USP13: variants seen among roughly 807,000 people sequenced by gnomAD.
The protein encoded by USP13 is ubiquitin specific peptidase 13, also known as ubiquitin carboxyl-terminal hydrolase 13.
A neutral mutation model predicts 107.8 loss-of-function variants in USP13; 68 were observed. The ratio of observed to expected loss-of-function variants is 0.63; its 90% CI spans 0.52 to 0.77. The LOEUF is 0.77. USP13 is among the 30% of genes least tolerant of loss of function. The pLI is 0.00. For synonymous variants in USP13, 377 were observed against 389.5 expected, an observed-to-expected ratio of 0.97 and a Z score of 0.38; for missense variants, 945 against 1,093.3, an observed-to-expected ratio of 0.86 and a Z score of 1.91.
chr3:179,702,719 ATTAAATTACCT>A (rs879549073), intron 4 of USP13, among the ~76,000 whole-genome samples: 10 of 152,228 alleles, frequency 6.6e-5, no homozygotes, highest in Admixed American at 2.0e-4. Context: ...GGCATACAGA[ATTAAATTACCT>A]TTGCTTTCTC....
At chr3:179,750,911 C>G (rs1714588285) in intron 13 of USP13, among the ~76,000 whole-genome samples, 1 of 152,170 alleles carries the variant, frequency 6.6e-6, no homozygotes, top group Non-Finnish European at 1.5e-5. Context: ...GCCCCGTGTT[C>G]TGTCCCTGCG....
rs1720151821 is a variant in USP13 at position 179,653,499 on chromosome 3, G to A, written c.168+106G>A. ...GGCCGGGACCTCTTCTCTTCCTCCG[G>A]GCGGCAGAGTTGGCTCAGGAACACT... is the stretch of plus-strand genomic sequence containing the variant. On this transcript the variant is annotated intron_variant, in intron 1 of 20. Coordinates refer to ENST00000263966, the MANE Select transcript of USP13 (RefSeq NM_003940.3). The surrounding 1 kb of genome is among the most constrained non-coding windows in gnomAD (Gnocchi z 4.0). The A allele has an allele frequency of 6.9e-7, 1 of 1,449,774 alleles. No individual in the cohort carries two copies. Among genetic ancestry groups the A allele is most frequent in the East Asian group, 2.6e-5 (1 of 38,872 alleles). The allele number at this position is 1,449,774 out of a possible 1,614,324, so 89.8% of individuals were successfully genotyped here. A position where few individuals can be genotyped will look rare whatever the true frequency, so the allele number is the denominator to read the frequency against.
In USP13 at chr3:179,697,994, CTT is replaced by C. The variant is rs529923592; in HGVS notation, c.356-3011_356-3010del. ...TCGCCAATTAAAATACAATGCAACTCTTTTGATATTCTTGTTTTGCTGTTGTT... is the reference window on the plus strand; with the variant it reads ...TCGCCAATTAAAATACAATGCAACTCTTGATATTCTTGTTTTGCTGTTGTT... On this transcript the variant is annotated intron_variant, in intron 3 of 20. Coordinates refer to ENST00000263966, the MANE Select transcript of USP13 (RefSeq NM_003940.3). 5.9e-5 allele frequency among the ~76,000 whole-genome samples: 9 copies of C among 152,308 alleles called. No individual in the cohort carries two copies. In the South Asian group the frequency reaches 1.5e-3, roughly 25 times the overall value.
chr3:179,784,178 G>C lies in USP13; in HGVS notation c.*37G>C. 8 of 1,494,412 alleles carry C rather than the reference G, an allele frequency of 5.4e-6. No individual in the cohort carries two copies. Among genetic ancestry groups the C allele is most frequent in the Non-Finnish European group, 7.3e-6 (8 of 1,100,738 alleles). 92.6% of individuals were successfully genotyped at this position (1,494,412 alleles called of 1,614,324 possible). Reference sequence around the variant, plus strand: ...AAAAATTGGCGAAAAGAAGCCATACGCCTTTTTAATTTGCCAAAAAAAAAA... The same window carrying C: ...AAAAATTGGCGAAAAGAAGCCATACCCCTTTTTAATTTGCCAAAAAAAAAA... On this transcript the variant is annotated 3_prime_UTR_variant, in exon 21 of 21. Transcript: ENST00000263966.
chr3:179,684,455 C>G (rs1711794003), intron 2 of USP13, among the ~76,000 whole-genome samples: 1 of 152,136 alleles, frequency 6.6e-6, no homozygotes, highest in African/African-American at 2.4e-5. Context: ...AGACCACAGG[C>G]ATGGGTCACA....
rs80138753 is a variant in USP13 at position 179,742,529 on chromosome 3, G to T, written c.1534+179G>T. ...TCCCATGTGACTTTTCCTTTGAGAA[G>T]AATCAAATGCATCACAGGTTTTATG... On this transcript the variant is annotated intron_variant, in intron 12 of 20. Transcript: ENST00000263966. This position sits in a 1 kb window ranked among gnomAD's most constrained non-coding sequence, Gnocchi z 5.0. Among the ~76,000 whole-genome samples the T allele has an allele frequency of 1.1e-3, 171 of 152,302 alleles. No homozygotes were observed. The highest frequency in any genetic ancestry group is 2.2e-3 in the Non-Finnish European group (151 of 68,018).
chr3:179,719,422 C>T (rs9852681), intron 6 of USP13, among the ~76,000 whole-genome samples: 6,103 of 152,110 alleles, frequency 0.04, 364 homozygotes, highest in African/African-American at 0.13. Context: ...GAGGTAGAGG[C>T]GGTGAGTGGT....
rs80004639 is a variant in USP13 at position 179,656,607 on chromosome 3, G to A, written c.168+3214G>A. Reference sequence around the variant, plus strand: ...CCTGGACCCACCCTCCCACCTTGACGTGTAGGTTCACCTCTCCATGGTTTG... The same window carrying A: ...CCTGGACCCACCCTCCCACCTTGACATGTAGGTTCACCTCTCCATGGTTTG... On this transcript the variant is annotated intron_variant, in intron 1 of 20. Transcript: ENST00000263966. 9.1e-4 allele frequency among the ~76,000 whole-genome samples: 139 copies of A among 152,224 alleles called. 1 individual carries two copies. The Middle Eastern group carries it at 0.014, about 15-fold the overall frequency.
rs1715863274 is a variant in USP13, at chr3:179,784,594, G to A, written c.*453G>A. On this transcript the variant is annotated 3_prime_UTR_variant, in exon 21 of 21. Transcript: ENST00000263966. The stretch of plus-strand genomic sequence containing the variant: ...TATAGAAAATCAGCAGTTGGGTGGG[G>A]CTTTATTTGTGACATAATTTTTTTC... 6.5e-6 allele frequency: 1 copy of A among 154,278 alleles called. No homozygotes were observed. Among genetic ancestry groups the A allele is most frequent in the Admixed American group, 6.4e-5 (1 of 15,644 alleles). 9.6% of individuals were successfully genotyped at this position (154,278 alleles called of 1,614,324 possible).
At chr3:179,694,803 A>G (rs9842285) in intron 3 of USP13, among the ~76,000 whole-genome samples, 1,049 of 8,884 alleles carry the variant, frequency 0.12, 4 homozygotes, top group Middle Eastern at 0.2. Flanking sequence ...CCATCTCAAA[A>G]AAAAAAAAAA....
intron 1 of USP13, among the ~76,000 whole-genome samples, chr3:179,675,519 T>G (rs1720868202): frequency 6.7e-6 from 1 of 148,348 alleles, no homozygotes; most frequent in Non-Finnish European, 1.5e-5. Flanking sequence ...GCTATATGAG[T>G]TTTATCTGTA....
chr3:179,710,935 T>TA (rs1242227218), intron 6 of USP13, among the ~76,000 whole-genome samples: 1 of 152,188 alleles, frequency 6.6e-6, no homozygotes. Context: ...ACAGGGCACT[T>TA]ACCGTGAATG....
At chr3:179,764,516 A>G (rs1361184006) in intron 18 of USP13, among the ~76,000 whole-genome samples, 1 of 152,170 alleles carries the variant, frequency 6.6e-6, no homozygotes, top group Admixed American at 6.5e-5. Context: ...CATGTTCAGT[A>G]AGAAGTCCTT....
At chr3:179,666,900 C>A (rs902153799) in intron 1 of USP13, among the ~76,000 whole-genome samples, 2 of 152,238 alleles carry the variant, frequency 1.3e-5, no homozygotes, top group African/African-American at 4.8e-5. Context: ...AAATCCACCT[C>A]CACTTACTAC....
chr3:179,743,182 C>T (rs776999350), intron 12 of USP13, among the ~76,000 whole-genome samples: 2 of 152,010 alleles, frequency 1.3e-5, no homozygotes, highest in Non-Finnish European at 2.9e-5. Context: ...TATTCTCACT[C>T]ATAAGTGCGA....
At chr3:179,699,607 G>A (rs1448420270) in intron 3 of USP13, among the ~76,000 whole-genome samples, 1 of 151,138 alleles carries the variant, frequency 6.6e-6, no homozygotes, top group Non-Finnish European at 1.5e-5. Flanking sequence ...GGGTGAGGTG[G>A]GAGGATAGCT....
intron 19 of USP13, among the ~76,000 whole-genome samples, chr3:179,776,368 A>T (rs1480242695): frequency 6.6e-6 from 1 of 152,144 alleles, no homozygotes; most frequent in Non-Finnish European, 1.5e-5. Context: ...ATGACATTGA[A>T]AGGGTATGCT....
At chr3:179,765,222 A>G (rs1270693054) in intron 18 of USP13, among the ~76,000 whole-genome samples, 1 of 152,220 alleles carries the variant, frequency 6.6e-6, no homozygotes, top group East Asian at 1.9e-4. Context: ...CATTTTACCA[A>G]CATTCCAGGA....
chr3:179,760,135 A>G (rs1393058543), intron 16 of USP13, among the ~76,000 whole-genome samples: 3 of 152,128 alleles, frequency 2.0e-5, no homozygotes, highest in Non-Finnish European at 2.9e-5. Context: ...CTTTTGGTGT[A>G]ATTTGAGAAC....
Sources: gnomAD v4.1 joint callset for allele counts (sites outside exome capture counted in the v4.1 genomes callset) on GRCh38, gnomAD v4.1.1 for gene constraint, Gnocchi (gnomAD v3.1) non-coding constraint, MANE v1.5 for transcripts, NCBI Gene and HGNC (gene_info 2026-07-23, HGNC 2026-07-21) for gene names.